DYDC2: variants seen among roughly 807,000 people sequenced by gnomAD.
The protein encoded by DYDC2 is DPY30 domain-containing protein 2.
In DYDC2, 19 loss-of-function variants were observed where a neutral mutation model predicts 18.7. That is an observed-to-expected ratio of 1.02 (90% confidence interval 0.71 to 1.49). The LOEUF (loss-of-function observed/expected upper bound fraction) is 1.49. DYDC2 is among the 40% of genes most tolerant of loss of function. The pLI, the probability that DYDC2 is intolerant of heterozygous loss-of-function variation, is 0.00. For synonymous variants in DYDC2, 63 were observed against 67.6 expected, an observed-to-expected ratio of 0.93 and a Z score of 0.34; for missense variants, 179 against 205.1, an observed-to-expected ratio of 0.87 and a Z score of 0.78.
chr10:80,358,682 G>A (rs1054301636), intron 2 of DYDC2, among the ~76,000 whole-genome samples: 1 of 152,164 alleles, frequency 6.6e-6, no homozygotes, highest in Non-Finnish European at 1.5e-5. Flanking sequence ...CAGGTCGCTT[G>A]GAGATTTTAT....
rs796084740 is a variant in DYDC2, at chr10:80,363,341, T to G, written c.270+268T>G. On this transcript the variant is annotated intron_variant, in intron 4 of 4. Transcript: ENST00000256039. ...ACTGGTTTTAAAAAAAATCTGTTTTTTTTTTTTTTTTTTTTTTTTTTGAGA... is the reference window on the plus strand; with the variant it reads ...ACTGGTTTTAAAAAAAATCTGTTTTGTTTTTTTTTTTTTTTTTTTTTGAGA... Among the ~76,000 whole-genome samples the G allele has an allele frequency of 5.1e-3, 60 of 11,828 alleles. No homozygotes were observed. In the African/African-American group the frequency reaches 0.055, roughly 11 times the overall value. The allele number at this position is 11,828 out of a possible 152,430, so 7.8% of individuals were successfully genotyped here.
At chr10:80,360,631 T>G (rs1219010909) in intron 2 of DYDC2, among the ~76,000 whole-genome samples, 1 of 152,210 alleles carries the variant, frequency 6.6e-6, no homozygotes, top group East Asian at 1.9e-4. Flanking sequence ...CTCTTACTCA[T>G]ATTTCCATTA....
chr10:80,352,579 T>G (rs772137135), upstream of DYDC2: 1 of 1,609,076 alleles, frequency 6.2e-7, no homozygotes, highest in South Asian at 1.1e-5. Context: ...CCCAAGGTGC[T>G]TTTGAAGATA....
upstream of DYDC2, chr10:80,351,921 C>G (rs1235086355): frequency 6.2e-7 from 1 of 1,614,154 alleles, no homozygotes; most frequent in South Asian, 1.1e-5. Flanking sequence ...AAGAGCTCCT[C>G]TGCTTTGAGC....
intron 1 of DYDC2, among the ~76,000 whole-genome samples, chr10:80,345,377 A>G (rs1842550333): frequency 6.6e-6 from 1 of 152,202 alleles, no homozygotes; most frequent in South Asian, 2.1e-4. Context: ...TGCTTACCAC[A>G]GGTAAGCAAT....
upstream of DYDC2, chr10:80,356,296 G>A: frequency 1.0e-6 from 1 of 985,614 alleles, no homozygotes. Context: ...CTTTCCCACA[G>A]AAACAGCTGC....
At position 80,367,114 on chromosome 10, in the gene DYDC2, T is replaced by C; in HGVS notation, c.*163T>C. The C allele has an allele frequency of 2.5e-6, 2 of 795,112 alleles. No homozygotes were observed. Among genetic ancestry groups the C allele is most frequent in the Admixed American group, 6.2e-5 (2 of 32,518 alleles). The allele number at this position is 795,112 out of a possible 1,614,324, so 49.3% of individuals were successfully genotyped here. The stretch of plus-strand genomic sequence containing the variant: ...TTAATCATGTGAACATTTGAACTAG[T>C]TATAGGATAAAATAAACTCAGAATA... On this transcript the variant is annotated 3_prime_UTR_variant, in exon 5 of 5. Coordinates refer to ENST00000256039, the MANE Select transcript of DYDC2 (RefSeq NM_032372.6).
At chr10:80,351,998 T>C (rs1215515190), upstream of DYDC2, 3 of 1,614,064 alleles carry the variant, frequency 1.9e-6, no homozygotes, top group East Asian at 4.5e-5. Flanking sequence ...CATTTCCTTT[T>C]GTCTCTAGCA....
chr10:80,348,118 C>T (rs532409470), intron 1 of DYDC2, among the ~76,000 whole-genome samples: 15 of 152,230 alleles, frequency 9.9e-5, no homozygotes, highest in Non-Finnish European at 2.2e-4. Context: ...TTTGTGTCTT[C>T]CTCAATTTTT....
upstream of DYDC2, among the ~76,000 whole-genome samples, chr10:80,353,124 A>G (rs374612000): frequency 1.2e-4 from 19 of 152,064 alleles, no homozygotes; most frequent in East Asian, 1.2e-3. Context: ...AGCCGTTTTT[A>G]CAAAGCATCA....
chr10:80,362,958 A>T lies in DYDC2; in HGVS notation c.155A>T (p.Glu52Val), dbSNP rs1414855257. The change falls in exon 4 of 5, where the codon GAA becomes GTA. Residue 52 changes from glutamate (E) to valine (V), a missense_variant. Transcript: ENST00000256039. The part of the protein sequence containing the change: ...KTAKAKEENR[E>V]KKIHLQEEYD... ...TCTGTCACCTCACCCCAGAATAGGG[A>T]AAAGAAGATCCACCTGCAGGAGGAA... 2 of 1,613,300 alleles carry T rather than the reference A, an allele frequency of 1.2e-6. No homozygotes were observed. Among genetic ancestry groups the T allele is most frequent in the South Asian group, 1.1e-5 (1 of 90,798 alleles).
chr10:80,366,272 C>A (rs1349481012), intron 4 of DYDC2, among the ~76,000 whole-genome samples: 2 of 152,036 alleles, frequency 1.3e-5, no homozygotes, highest in African/African-American at 2.4e-5. Context: ...ACCTCATGAC[C>A]CACCCACCTC....
intron 4 of DYDC2, among the ~76,000 whole-genome samples, chr10:80,365,621 A>G (rs1320755921): frequency 3.9e-5 from 6 of 152,182 alleles, no homozygotes; most frequent in Admixed American, 3.9e-4. Flanking sequence ...ATTGAAGTGG[A>G]GGGGATCAGT....
chr10:80,348,007 T>C (rs890264899), intron 1 of DYDC2, among the ~76,000 whole-genome samples: 1 of 152,212 alleles, frequency 6.6e-6, no homozygotes, highest in African/African-American at 2.4e-5. Context: ...ATTGGAATTT[T>C]GATAGGGATT....
chr10:80,354,146 T>A (rs953062792), upstream of DYDC2, among the ~76,000 whole-genome samples: 65 of 145,790 alleles, frequency 4.5e-4, no homozygotes, highest in African/African-American at 1.3e-3. Flanking sequence ...ATATATATAT[T>A]TTTTCCTGAG....
At chr10:80,358,677 C>G (rs1044507057) in intron 2 of DYDC2, among the ~76,000 whole-genome samples, 25 of 152,220 alleles carry the variant, frequency 1.6e-4, no homozygotes, top group African/African-American at 6.0e-4. Flanking sequence ...AACTACAGGT[C>G]GCTTGGAGAT....
Position 80,362,940 on chromosome 10 carries a change from C to G in DYDC2, c.148-11C>G. On this transcript the variant is annotated splice_polypyrimidine_tract_variant and intron_variant, in intron 3 of 4. Coordinates refer to ENST00000256039, the MANE Select transcript of DYDC2 (RefSeq NM_032372.6). ...TTGCTGACCTGATTTGACTCTGTCA[C>G]CTCACCCCAGAATAGGGAAAAGAAG... 1 of 1,610,466 alleles carries G rather than the reference C, an allele frequency of 6.2e-7. No individual in the cohort carries two copies.
intron 1 of DYDC2, among the ~76,000 whole-genome samples, chr10:80,349,455 A>C (rs992010918): frequency 6.6e-6 from 1 of 152,158 alleles, no homozygotes; most frequent in Non-Finnish European, 1.5e-5. Flanking sequence ...TAAAGCATAA[A>C]ATGTCTACTA....
Position 80,357,901 on chromosome 10 carries a change from G to C in DYDC2, c.-154G>C, listed in dbSNP as rs1450056588. The stretch of plus-strand genomic sequence containing the variant: ...TCAAGAAATATTTACAGAGCTCCCA[G>C]TGTGCCAAGCGTGGGCGGTATACAG... On this transcript the variant is annotated 5_prime_UTR_variant, in exon 2 of 5. Coordinates refer to ENST00000256039, the MANE Select transcript of DYDC2 (RefSeq NM_032372.6). The C allele has an allele frequency of 2.0e-6, 2 of 985,316 alleles. No homozygotes were observed. The highest frequency in any genetic ancestry group is 1.7e-5 in the African/African-American group (1 of 57,244). 61.0% of individuals were successfully genotyped at this position (985,316 alleles called of 1,614,324 possible).
Sources: allele counts gnomAD v4.1 joint callset (sites outside exome capture counted in the v4.1 genomes callset), GRCh38; gene constraint gnomAD v4.1.1; transcripts MANE v1.5; gene names NCBI Gene and HGNC (gene_info 2026-07-23, HGNC 2026-07-21).